SH3RF3: variants seen among roughly 807,000 people sequenced by gnomAD.
The protein encoded by SH3RF3 is SH3 domain containing ring finger 3.
SH3RF3 carries 29 observed loss-of-function variants against 66.3 expected under a neutral mutation model. That is an observed-to-expected ratio of 0.44 (90% CI 0.33 to 0.60). The LOEUF (loss-of-function observed/expected upper bound fraction) is 0.60. Among genes scored for constraint, SH3RF3 ranks in the 20% least tolerant of loss-of-function variants. The pLI is 0.04. For synonymous variants in SH3RF3, 583 were observed against 532.0 expected (o/e 1.10, Z -1.32); for missense variants, 1,194 against 1,190.9 (o/e 1.00, Z -0.04).
rs34592741 is a variant in SH3RF3 at position 109,249,532 on chromosome 2, TTTCCTTCCTTCC to T, written c.574-98099_574-98088del. On this transcript the variant is annotated intron_variant, in intron 1 of 9. Coordinates refer to ENST00000309415, the MANE Select transcript of SH3RF3 (RefSeq NM_001099289.3). The stretch of plus-strand genomic sequence containing the variant: ...TTCATTCTTTCTTTTTCTTTCTTTC[TTTCCTTCCTTCC>T]TTCCTTCCTTCCTTCCTTCCTTCCT... 6.2e-3 allele frequency among the ~76,000 whole-genome samples: 596 copies of T among 96,416 alleles called. 5 individuals are homozygous for T. Among genetic ancestry groups the T allele is most frequent in the Non-Finnish European group, 9.2e-3 (453 of 49,240 alleles). 63.3% of individuals were successfully genotyped at this position (96,416 alleles called of 152,430 possible).
At chr2:109,328,670 G>A (rs541683818) in intron 1 of SH3RF3, among the ~76,000 whole-genome samples, 4 of 152,156 alleles carry the variant, frequency 2.6e-5, no homozygotes, top group East Asian at 1.9e-4. Flanking sequence ...CAGAAACAGC[G>A]TGGGATGATG....
chr2:109,295,253 C>T (rs796430972), intron 1 of SH3RF3, among the ~76,000 whole-genome samples: 5 of 152,358 alleles, frequency 3.3e-5, no homozygotes, highest in African/African-American at 1.2e-4. Context: ...CACTCCCTCG[C>T]TTGGGCCTGC....
intron 1 of SH3RF3, among the ~76,000 whole-genome samples, chr2:109,269,919 A>G (rs1442770180): frequency 4.6e-5 from 7 of 152,264 alleles, no homozygotes; most frequent in Non-Finnish European, 8.8e-5. Flanking sequence ...CCAGGAAAGC[A>G]AAACGTAACT....
chr2:109,342,381 G>A (rs1025590745), intron 1 of SH3RF3, among the ~76,000 whole-genome samples: 4 of 152,332 alleles, frequency 2.6e-5, no homozygotes, highest in East Asian at 1.9e-4. Flanking sequence ...TATATGGAGC[G>A]TATGATCTGT....
At chr2:109,190,696 G>T (rs1678330775) in intron 1 of SH3RF3, among the ~76,000 whole-genome samples, 1 of 151,964 alleles carries the variant, frequency 6.6e-6, no homozygotes, top group South Asian at 2.1e-4. Flanking sequence ...CCTGCTGATG[G>T]TCTTCAAAAA....
chr2:109,430,613 A>G (rs3924213), intron 5 of SH3RF3, among the ~76,000 whole-genome samples: 69,410 of 151,742 alleles, frequency 0.46, 17,121 homozygotes, highest in Non-Finnish European at 0.53. Context: ...CACAATACAC[A>G]GGTACGTGTT....
chr2:109,131,488 T>C (rs939143002), intron 1 of SH3RF3, among the ~76,000 whole-genome samples: 2 of 152,242 alleles, frequency 1.3e-5, no homozygotes, highest in Non-Finnish European at 2.9e-5. Flanking sequence ...TCTTCTGTTC[T>C]GATAAATTAT....
chr2:109,252,866 G>A (rs768187048), intron 1 of SH3RF3, among the ~76,000 whole-genome samples: 9 of 152,170 alleles, frequency 5.9e-5, no homozygotes, highest in Non-Finnish European at 1.2e-4. Flanking sequence ...GTGAAGTACA[G>A]TTTGGGTATT....
chr2:109,131,304 G>A (rs1050987157), intron 1 of SH3RF3, among the ~76,000 whole-genome samples: 4 of 152,018 alleles, frequency 2.6e-5, no homozygotes, highest in African/African-American at 9.7e-5. Flanking sequence ...AGTCACTGGG[G>A]GTCACTTGGG....
At chr2:109,479,993 C>T (rs903481421) in intron 8 of SH3RF3, among the ~76,000 whole-genome samples, 3 of 152,252 alleles carry the variant, frequency 2.0e-5, no homozygotes, top group Non-Finnish European at 4.4e-5. Flanking sequence ...CCTGAGGCCA[C>T]GCGTCATCAC....
At chr2:109,391,279 C>T (rs1675985235) in intron 3 of SH3RF3, among the ~76,000 whole-genome samples, 2 of 152,234 alleles carry the variant, frequency 1.3e-5, no homozygotes, top group Non-Finnish European at 1.5e-5. Flanking sequence ...TTGGGCAGCC[C>T]GACAGCAGCC....
chr2:109,158,077 C>G (rs1465283793), intron 1 of SH3RF3, among the ~76,000 whole-genome samples: 1 of 152,172 alleles, frequency 6.6e-6, no homozygotes, highest in Non-Finnish European at 1.5e-5. Flanking sequence ...GCTGGACTCC[C>G]ATTTTACAGA....
chr2:109,212,640 C>T (rs761128508), intron 1 of SH3RF3, among the ~76,000 whole-genome samples: 2 of 152,210 alleles, frequency 1.3e-5, no homozygotes, highest in Non-Finnish European at 2.9e-5. Flanking sequence ...AATGTTTCTT[C>T]TCCAGATAGC....
chr2:109,424,500 T>G (rs971733173), intron 5 of SH3RF3, among the ~76,000 whole-genome samples: 1 of 152,224 alleles, frequency 6.6e-6, no homozygotes, highest in Non-Finnish European at 1.5e-5. Flanking sequence ...AATTGAAGCT[T>G]CGGGGCAACC....
chr2:109,331,195 G>A (rs1008458682), intron 1 of SH3RF3, among the ~76,000 whole-genome samples: 1 of 152,012 alleles, frequency 6.6e-6, no homozygotes, highest in Non-Finnish European at 1.5e-5. Context: ...GGGAATGCCG[G>A]GTGTCTTATT....
intron 4 of SH3RF3, among the ~76,000 whole-genome samples, chr2:109,402,527 C>T (rs1188699544): frequency 6.6e-6 from 1 of 152,238 alleles, no homozygotes; most frequent in Non-Finnish European, 1.5e-5. Flanking sequence ...AGGCCCGCAG[C>T]CCCAGGCTCC....
chr2:109,272,920 C>T (rs918043633), intron 1 of SH3RF3, among the ~76,000 whole-genome samples: 6 of 152,176 alleles, frequency 3.9e-5, no homozygotes, highest in Admixed American at 1.3e-4. Flanking sequence ...AGTTTCCTAG[C>T]AGCCTTAATC....
At chr2:109,403,057 G>A (rs927738487) in intron 4 of SH3RF3, among the ~76,000 whole-genome samples, 4 of 152,190 alleles carry the variant, frequency 2.6e-5, no homozygotes, top group African/African-American at 7.2e-5. Context: ...AGGGGCTCTC[G>A]CTGTAATGGA....
intron 1 of SH3RF3, among the ~76,000 whole-genome samples, chr2:109,210,068 G>GTGTCT (rs1387523049): frequency 1.3e-5 from 2 of 152,156 alleles, no homozygotes; most frequent in Non-Finnish European, 2.9e-5. Flanking sequence ...TTGTCCTTTT[G>GTGTCT]TGTCTGGCTT....
Sources: gnomAD v4.1 joint callset for allele counts (sites outside exome capture counted in the v4.1 genomes callset) on GRCh38, gnomAD v4.1.1 for gene constraint, MANE v1.5 for transcripts, NCBI Gene and HGNC (gene_info 2026-07-23, HGNC 2026-07-21) for gene names.